The following GRK5 variants were observed in gnomAD, a reference collection of about 807,000 sequenced individuals.
The protein encoded by GRK5 is G protein-coupled receptor kinase 5.
GRK5 carries 40 observed loss-of-function variants against 78.4 expected under a neutral mutation model. That is an observed-to-expected ratio of 0.51 (90% CI 0.40 to 0.66). The LOEUF (loss-of-function observed/expected upper bound fraction) is 0.66, where lower values mean the gene tolerates loss of function less well. Among genes scored for constraint, GRK5 ranks in the 30% least tolerant of loss-of-function variants. The pLI is 0.00. For synonymous variants in GRK5, 289 were observed against 296.8 expected (o/e 0.97, Z 0.27); for missense variants, 598 against 759.9 (o/e 0.79, Z 2.50).
At chr10:119,258,918 A>G (rs1048553368) in intron 1 of GRK5, among the ~76,000 whole-genome samples, 5 of 152,274 alleles carry the variant, frequency 3.3e-5, no homozygotes, top group African/African-American at 1.2e-4. Flanking sequence ...CCCCCTTCTC[A>G]GGAGAGCTGG....
chr10:119,380,448 C>T (rs1037899934), intron 2 of GRK5, among the ~76,000 whole-genome samples: 2 of 152,198 alleles, frequency 1.3e-5, no homozygotes, highest in Admixed American at 6.5e-5. Flanking sequence ...CACTCTGATT[C>T]GACTGGCTTA....
In GRK5 at chr10:119,382,062, C is replaced by G. The variant is rs575731908; in HGVS notation, c.261+1135C>G. Among the ~76,000 whole-genome samples, 6 of 152,318 alleles carry G rather than the reference C, an allele frequency of 3.9e-5. No individual in the cohort carries two copies. The South Asian group carries it at 6.2e-4, about 16-fold the overall frequency. On this transcript the variant is annotated intron_variant, in intron 3 of 15. Coordinates refer to ENST00000392870, the MANE Select transcript of GRK5 (RefSeq NM_005308.3). ...CATTACCTGTTCCAGTGACCAGCAC[C>G]CTATAGTCACCCGAGCCTGAAATCT...
intron 2 of GRK5, among the ~76,000 whole-genome samples, chr10:119,343,129 A>C (rs80091615): frequency 0.069 from 10,578 of 152,234 alleles, 956 homozygotes; most frequent in African/African-American, 0.21. Context: ...AACACGTGAC[A>C]CTGGGTGACA....
At chr10:119,324,651 C>G (rs1178299691) in intron 1 of GRK5, among the ~76,000 whole-genome samples, 1 of 152,116 alleles carries the variant, frequency 6.6e-6, no homozygotes. Context: ...AAAAAAAGTT[C>G]CTGCCTTGTA....
intron 1 of GRK5, among the ~76,000 whole-genome samples, chr10:119,284,026 C>T (rs548809847): frequency 6.6e-6 from 1 of 152,222 alleles, no homozygotes; most frequent in East Asian, 1.9e-4. Flanking sequence ...GTACTCGGAT[C>T]CCCTGTGGGC....
At chr10:119,299,308 G>T (rs1850134452) in intron 1 of GRK5, among the ~76,000 whole-genome samples, 1 of 152,090 alleles carries the variant, frequency 6.6e-6, no homozygotes, top group Non-Finnish European at 1.5e-5. Context: ...GCCGGGCGGG[G>T]TGGCGGGCAC....
intron 1 of GRK5, among the ~76,000 whole-genome samples, chr10:119,292,128 A>T (rs1443582657): frequency 1.5e-4 from 1 of 6,828 alleles, no homozygotes; most frequent in Non-Finnish European, 3.0e-4. Flanking sequence ...CCCTCTCCTC[A>T]TCTTCCTCCT....
rs547429942 is a variant in GRK5, at chr10:119,262,124, G to A, written c.52+54155G>A. On this transcript the variant is annotated intron_variant, in intron 1 of 15. Coordinates refer to ENST00000392870, the MANE Select transcript of GRK5 (RefSeq NM_005308.3). ...ACCTATTTTGTGTTGTCAGATGTAC[G>A]TGTGTGAGTTACTGATTTTCTTCCT... is the stretch of plus-strand genomic sequence containing the variant. Among the ~76,000 whole-genome samples the A allele has an allele frequency of 3.9e-5, 6 of 152,012 alleles. No homozygotes were observed. The South Asian group carries it at 8.3e-4, about 21-fold the overall frequency.
intron 1 of GRK5, among the ~76,000 whole-genome samples, chr10:119,218,920 A>T (rs946162442): frequency 6.8e-6 from 1 of 147,396 alleles, no homozygotes. Context: ...TTTTTTTGAG[A>T]CGGAGTCTCG....
intron 2 of GRK5, among the ~76,000 whole-genome samples, chr10:119,328,019 C>T (rs1389175240): frequency 4.6e-5 from 7 of 152,218 alleles, no homozygotes; most frequent in Admixed American, 4.6e-4. Flanking sequence ...GCCTGTTTCC[C>T]CAGCTGTAAC....
intron 2 of GRK5, among the ~76,000 whole-genome samples, chr10:119,341,770 T>C (rs1008428198): frequency 2.6e-5 from 4 of 152,126 alleles, no homozygotes; most frequent in African/African-American, 7.2e-5. Flanking sequence ...CCCCTGGAGA[T>C]GGAAAAACAC....
In GRK5 at chr10:119,452,288, C is replaced by T. The variant is rs181712862; in HGVS notation, c.1405-383C>T. ...GCCCCACAGCTGGGACTCTAGCCCA[C>T]GTCTGTCCAGTATGGGTAAGGGAGT... On this transcript the variant is annotated intron_variant, in intron 13 of 15. Coordinates refer to ENST00000392870, the MANE Select transcript of GRK5 (RefSeq NM_005308.3). This position sits in a 1 kb window ranked among gnomAD's most constrained non-coding sequence, Gnocchi z 4.4. Among the ~76,000 whole-genome samples the T allele has an allele frequency of 1.4e-4, 22 of 152,334 alleles. No individual in the cohort carries two copies. The highest frequency in any genetic ancestry group is 4.6e-4 in the African/African-American group (19 of 41,586).
intron 1 of GRK5, among the ~76,000 whole-genome samples, chr10:119,235,821 T>C (rs1429262858): frequency 6.6e-6 from 1 of 152,182 alleles, no homozygotes; most frequent in Non-Finnish European, 1.5e-5. Flanking sequence ...CAATAGGTGC[T>C]CAATAAGTAC....
intron 1 of GRK5, among the ~76,000 whole-genome samples, chr10:119,305,423 T>A (rs944219747): frequency 2.0e-5 from 3 of 152,236 alleles, no homozygotes; most frequent in African/African-American, 4.8e-5. Flanking sequence ...CAGGCACATG[T>A]CCTAGGCACT....
intron 4 of GRK5, among the ~76,000 whole-genome samples, chr10:119,408,692 G>A (rs1032018296): frequency 3.3e-5 from 5 of 152,216 alleles, no homozygotes; most frequent in South Asian, 2.1e-4. Flanking sequence ...CAGGGGGCAC[G>A]TGGGAGGGAG....
intron 6 of GRK5, among the ~76,000 whole-genome samples, chr10:119,427,914 GTCAGCATCACTGCCATCA>G (rs1852732339): frequency 7.3e-6 from 1 of 136,520 alleles, no homozygotes; most frequent in South Asian, 2.3e-4. Context: ...CATCGCCACC[GTCAGCATCACTGCCATCA>G]TCAGCCTCAC....
At chr10:119,324,932 C>T (rs934568942) in intron 1 of GRK5, among the ~76,000 whole-genome samples, 1 of 152,180 alleles carries the variant, frequency 6.6e-6, no homozygotes, top group African/African-American at 2.4e-5. Context: ...CCTTCTGTCC[C>T]TCGGAGTGTG....
At chr10:119,286,730 A>C (rs1849853455) in intron 1 of GRK5, among the ~76,000 whole-genome samples, 1 of 152,248 alleles carries the variant, frequency 6.6e-6, no homozygotes, top group Non-Finnish European at 1.5e-5. Flanking sequence ...GGAAGCGGTC[A>C]CTTTGGGGCT....
At position 119,207,869 on chromosome 10, in the gene GRK5, G is replaced by A; in HGVS notation, c.-49G>A. 3.2e-6 allele frequency: 5 copies of A among 1,552,598 alleles called. No homozygotes were observed. Among genetic ancestry groups the A allele is most frequent in the Non-Finnish European group, 4.4e-6 (5 of 1,149,290 alleles). On this transcript the variant is annotated 5_prime_UTR_variant, in exon 1 of 16. Transcript: ENST00000392870. ...CGGCAGCAGCAGCGGCAGCACCCCA[G>A]GCGCTGACAGCCCCGCCGGCCGGCT...
Sources: gnomAD v4.1 joint callset for allele counts (sites outside exome capture counted in the v4.1 genomes callset) on GRCh38, gnomAD v4.1.1 for gene constraint, Gnocchi (gnomAD v3.1) non-coding constraint, MANE v1.5 for transcripts, NCBI Gene and HGNC (gene_info 2026-07-23, HGNC 2026-07-21) for gene names.